Variants in IL1B observed in about 807,000 individuals in gnomAD.
The protein encoded by IL1B is interleukin 1 beta, also known as interleukin-1 beta.
A neutral mutation model predicts 26.2 loss-of-function variants in IL1B; 11 were observed. That is an observed-to-expected ratio of 0.42 (90% CI 0.26 to 0.70). The LOEUF (loss-of-function observed/expected upper bound fraction) is 0.70. Ranked by LOEUF, IL1B falls within the 30% of genes least tolerant of loss-of-function variation. The pLI is 0.25. For missense variants in IL1B, 255 were observed against 327.5 expected (o/e 0.78, Z 1.71); for synonymous variants, 118 against 120.8 (o/e 0.98, Z 0.15).
Position 112,835,483 on chromosome 2 carries a change from C to T in IL1B, c.99+83G>A. 3.6e-6 allele frequency: 4 copies of T among 1,099,904 alleles called. No individual in the cohort carries two copies. The East Asian group carries it at 9.4e-5, about 26-fold the overall frequency. 68.1% of individuals were successfully genotyped at this position (1,099,904 alleles called of 1,614,324 possible). On this transcript the variant is annotated intron_variant, in intron 3 of 6. Transcript: ENST00000263341. Reference sequence around the variant, plus strand: ...TTTCTAAAACAAAATACCATGGCATCAAAGTGGCCCAGAACTCCCTTCTTT... The same window carrying T: ...TTTCTAAAACAAAATACCATGGCATTAAAGTGGCCCAGAACTCCCTTCTTT...
intron 1 of IL1B, 41 bp from the exon 2 acceptor site, chr2:112,836,285 CT>C: frequency 7.0e-7 from 1 of 1,430,460 alleles, no homozygotes; most frequent in Non-Finnish European, 9.9e-7. Flanking sequence ...CCCATGACGG[CT>C]ACGTTCATGT....
At chr2:112,836,134 T>G (rs755865907) in intron 2 of IL1B, 49 bp downstream of exon 2, 115 of 1,582,802 alleles carry the variant, frequency 7.3e-5, no homozygotes, top group Admixed American at 1.0e-4. Context: ...CACTCTACTC[T>G]TGAAAGAGGA....
chr2:112,835,612 T>G lies in IL1B; in HGVS notation c.53A>C (p.Asn18Thr). The change falls in exon 3 of 7, where the codon AAT (asparagine) becomes ACT (threonine). Residue 18 changes from asparagine (N) to threonine (T), a missense_variant. Asn to Thr is a moderately conservative substitution (Grantham distance 65, BLOSUM62 0). Coordinates refer to ENST00000263341, the MANE Select transcript of IL1B (RefSeq NM_000576.3). ...ASEMMAYYSGNEDDLFFEADG... is the reference protein window; with the variant it reads ...ASEMMAYYSGTEDDLFFEADG... ...AGCTTCAAAGAACAAGTCATCCTCA[T>G]TGCCACTGTAATAAAAACAGGGACA... The G allele has an allele frequency of 6.2e-7, 1 of 1,613,330 alleles. No individual in the cohort carries two copies. Among genetic ancestry groups the G allele is most frequent in the Non-Finnish European group, 8.5e-7 (1 of 1,179,220 alleles).
chr2:112,832,857 TA>T (rs1487445046), intron 4 of IL1B, 31 bp from the exon 5 acceptor site: 16 of 1,613,490 alleles, frequency 9.9e-6, no homozygotes, highest in Non-Finnish European at 3.4e-6. Context: ...TGTTTAGGTA[TA>T]AAATCAGAAG....
intron 1 of IL1B, 76 bp downstream of exon 1, chr2:112,836,632 T>G: frequency 3.7e-6 from 1 of 268,646 alleles, no homozygotes; most frequent in Non-Finnish European, 7.5e-6. Context: ...AGAGAGAGAA[T>G]ATGCATACAC....
rs1681952777 is a variant in IL1B, at chr2:112,830,132, C to A, written c.*229G>T. ...AGTGAGTAGGAGAGGTGAGAGAGGC[C>A]TGGCTCAACAAAAGGGCTGGGGATT... On this transcript the variant is annotated 3_prime_UTR_variant, in exon 7 of 7. Coordinates refer to ENST00000263341, the MANE Select transcript of IL1B (RefSeq NM_000576.3). 1 of 544,932 alleles carries A rather than the reference C, an allele frequency of 1.8e-6. No individual in the cohort carries two copies. The highest frequency in any genetic ancestry group is 1.9e-5 in the African/African-American group (1 of 52,922). The allele number at this position is 544,932 out of a possible 1,614,324, so 33.8% of individuals were successfully genotyped here. A position where few individuals can be genotyped will look rare whatever the true frequency, so the allele number is the denominator to read the frequency against.
In IL1B at chr2:112,830,565, A is replaced by T. The variant is rs1681961659; in HGVS notation, c.606T>A (p.Asp202Glu). The T allele has an allele frequency of 1.2e-6, 2 of 1,612,476 alleles. No individual in the cohort carries two copies. Among genetic ancestry groups the T allele is most frequent in the East Asian group, 2.2e-5 (1 of 44,868 alleles). ...DKPTLQLESV[D>E]PKNYPKKKME... ...TCTTCTTCTTTGGGTAATTTTTGGG[A>T]TCTACACTCTGCAGCGAAAGAGAAA... The change falls in exon 7 of 7, where the codon GAT becomes GAA. Residue 202 changes from aspartate (D) to glutamate (E), a missense_variant. Physicochemically the swap from Asp to Glu is conservative, Grantham distance 45 (BLOSUM62 2). Transcript: ENST00000263341.
chr2:112,830,976 A>G (rs1143642), intron 6 of IL1B, among the ~76,000 whole-genome samples: 135,167 of 152,052 alleles, frequency 0.89, 60,383 homozygotes, highest in East Asian at 1. Flanking sequence ...TGGAGTGGAC[A>G]TGATAATGGG....
rs778278424 is a variant in IL1B, at chr2:112,832,785, G to A, written c.343C>T (p.His115Tyr). 3 of 1,614,016 alleles carry A rather than the reference G, an allele frequency of 1.9e-6. No homozygotes were observed. The African/African-American group carries it at 4.0e-5, about 22-fold the overall frequency. ...TTCAGTGATCGTACAGGTGCATCGT[G>A]CACATAAGCCTCGTTATCCCATGTG... Reference protein sequence around the residue: ...FDTWDNEAYVHDAPVRSLNCT... With the variant: ...FDTWDNEAYVYDAPVRSLNCT... Residue 115 changes from histidine to tyrosine, a missense_variant, in exon 5 of 7, where the codon CAC (histidine) becomes TAC (tyrosine). Physicochemically the swap from His to Tyr is moderately conservative, Grantham distance 83. Transcript: ENST00000263341.
At chr2:112,831,835 T>G (rs912797703) in intron 5 of IL1B, among the ~76,000 whole-genome samples, 3 of 152,126 alleles carry the variant, frequency 2.0e-5, no homozygotes, top group Non-Finnish European at 2.9e-5. Flanking sequence ...CAGAACTGTT[T>G]CAGGAACAGA....
intron 5 of IL1B, 38 bp from the exon 6 acceptor site, chr2:112,831,460 CA>C (rs747744854): frequency 6.2e-7 from 1 of 1,609,854 alleles, no homozygotes; most frequent in Non-Finnish European, 8.5e-7. Flanking sequence ...AGGGACACAG[CA>C]GTGCAGGGTC....
chr2:112,833,075 A>G (rs1682021418), intron 4 of IL1B: 4 of 604,408 alleles, frequency 6.6e-6, no homozygotes, highest in Admixed American at 5.5e-5. Flanking sequence ...CTTAGGTAAA[A>G]TGGTGATGGT....
intron 2 of IL1B, 56 bp downstream of exon 2, chr2:112,836,127 T>C: frequency 6.5e-7 from 1 of 1,547,134 alleles, no homozygotes. Context: ...CAGATAACAC[T>C]CTACTCTTGA....
chr2:112,830,249 A>G lies in IL1B; in HGVS notation c.*112T>C. The G allele has an allele frequency of 1.1e-6, 1 of 887,732 alleles. No individual in the cohort carries two copies. Among genetic ancestry groups the G allele is most frequent in the Non-Finnish European group, 1.9e-6 (1 of 525,746 alleles). The allele number at this position is 887,732 out of a possible 1,614,324, so 55.0% of individuals were successfully genotyped here. A position where few individuals can be genotyped will look rare whatever the true frequency, so the allele number is the denominator to read the frequency against. On this transcript the variant is annotated 3_prime_UTR_variant, in exon 7 of 7. Transcript: ENST00000263341. ...GGCAGGCAGTTGGGCATTGGTGTAG[A>G]CAACAGGAAAGTCCAGGCTATAGCC...
Position 112,833,469 on chromosome 2 carries a change from A to G in IL1B, c.206T>C (p.Val69Ala). ...CATCTTCCTCAGCTTGTCCATGGCC[A>G]CAACAACTGACGCGGCCTGCCTGAA... ...KGFRQAASVV[V>A]AMDKLRKMLV... The change falls in exon 4 of 7, where the codon GTG (valine) becomes GCG (alanine). Residue 69 changes from valine (V) to alanine (A), a missense_variant. Val to Ala is a moderately conservative substitution (Grantham distance 64). Coordinates refer to ENST00000263341, the MANE Select transcript of IL1B (RefSeq NM_000576.3). 6.2e-7 allele frequency: 1 copy of G among 1,614,228 alleles called. No homozygotes were observed. Among genetic ancestry groups the G allele is most frequent in the Non-Finnish European group, 8.5e-7 (1 of 1,180,034 alleles).
Position 112,830,204 on chromosome 2 carries a change from T to A in IL1B, c.*157A>T, listed in dbSNP as rs1397378478. 1 of 650,234 alleles carries A rather than the reference T, an allele frequency of 1.5e-6. No individual in the cohort carries two copies. Among genetic ancestry groups the A allele is most frequent in the Non-Finnish European group, 2.8e-6 (1 of 361,506 alleles). The allele number at this position is 650,234 out of a possible 1,614,324, so 40.3% of individuals were successfully genotyped here. A position where few individuals can be genotyped will look rare whatever the true frequency, so the allele number is the denominator to read the frequency against. On this transcript the variant is annotated 3_prime_UTR_variant, in exon 7 of 7. Transcript: ENST00000263341. ...ACTGTCCTGGCTGATGGACAGGAGA[T>A]CCTCTTAGCACTACCCTAAGGCAGG... is the stretch of plus-strand genomic sequence containing the variant.
chr2:112,835,638 T>A, intron 2 of IL1B, 21 bp from the exon 3 acceptor site: 1 of 1,603,248 alleles, frequency 6.2e-7, no homozygotes. Flanking sequence ...AACAGGGACA[T>A]GTCTCAATTA....
intron 5 of IL1B, among the ~76,000 whole-genome samples, 170 bp from the exon 6 acceptor site, chr2:112,831,592 G>A (rs910206410): frequency 1.3e-5 from 2 of 152,146 alleles, no homozygotes; most frequent in African/African-American, 4.8e-5. Flanking sequence ...ACAATAGCAG[G>A]GTCATTTTGT....
At chr2:112,833,336 C>T in intron 4 of IL1B, 38 bp downstream of exon 4, 1 of 1,590,510 alleles carries the variant, frequency 6.3e-7, no homozygotes, top group Non-Finnish European at 8.6e-7. Context: ...TCCAAGAGGA[C>T]ACAAGTGGAG....
Sources: gnomAD v4.1 joint callset for allele counts (sites outside exome capture counted in the v4.1 genomes callset) on GRCh38, gnomAD v4.1.1 for gene constraint, MANE v1.5 for transcripts, NCBI Gene and HGNC (gene_info 2026-07-23, HGNC 2026-07-21) for gene names.